The following SPATC1L variants were observed in gnomAD, a reference collection of about 807,000 sequenced individuals.
SPATC1L encodes speriolin-like protein.
A neutral mutation model predicts 21.2 loss-of-function variants in SPATC1L; 20 were observed. The ratio of observed to expected loss-of-function variants is 0.94; its 90% CI spans 0.66 to 1.37. The LOEUF (loss-of-function observed/expected upper bound fraction) is 1.37. SPATC1L is among the 40% of genes most tolerant of loss of function. The pLI, the probability that SPATC1L is intolerant of heterozygous loss-of-function variation, is 0.00. For missense variants in SPATC1L, 499 were observed against 478.7 expected (o/e 1.04, Z -0.40); for synonymous variants, 290 against 234.5 (o/e 1.24, Z -2.16).
intron 2 of SPATC1L, among the ~76,000 whole-genome samples, chr21:46,177,930 A>G (rs1026828069): frequency 2.0e-5 from 3 of 152,250 alleles, no homozygotes; most frequent in African/African-American, 7.2e-5. Flanking sequence ...AATATTATGC[A>G]GCCATAAAAA....
At chr21:46,168,017 TG>T (rs1410572472) in intron 3 of SPATC1L, among the ~76,000 whole-genome samples, 1 of 151,834 alleles carries the variant, frequency 6.6e-6, no homozygotes, top group Non-Finnish European at 1.5e-5. Flanking sequence ...AACCATGGAG[TG>T]GGAGACCGTA....
chr21:46,169,200 C>T (rs547095031), intron 2 of SPATC1L, among the ~76,000 whole-genome samples: 121 of 152,402 alleles, frequency 7.9e-4, no homozygotes, highest in Non-Finnish European at 1.6e-3. Context: ...TCCATGTTTC[C>T]GTGCAAACAC....
intron 2 of SPATC1L, among the ~76,000 whole-genome samples, chr21:46,176,188 C>T (rs887058796): frequency 6.6e-6 from 1 of 151,986 alleles, no homozygotes; most frequent in East Asian, 1.9e-4. Context: ...AAACTCACAA[C>T]CAACATCAAA....
chr21:46,171,682 A>C (rs187181055), intron 2 of SPATC1L, among the ~76,000 whole-genome samples: 15 of 152,314 alleles, frequency 9.8e-5, no homozygotes, highest in Non-Finnish European at 1.6e-4. Context: ...AATTACTTTC[A>C]AGTGACTCAA....
chr21:46,172,873 G>T (rs1766663015), intron 2 of SPATC1L, among the ~76,000 whole-genome samples: 1 of 152,226 alleles, frequency 6.6e-6, no homozygotes, highest in South Asian at 2.1e-4. Context: ...CTGAGCACTG[G>T]TGCTCATTTT....
intron 2 of SPATC1L, among the ~76,000 whole-genome samples, chr21:46,178,731 A>G (rs1221257941): frequency 6.6e-6 from 1 of 152,144 alleles, no homozygotes; most frequent in Admixed American, 6.5e-5. Context: ...TACTAAAAAT[A>G]CAAAAAGTAG....
intron 2 of SPATC1L, among the ~76,000 whole-genome samples, chr21:46,178,307 T>C (rs978852607): frequency 6.6e-6 from 1 of 150,466 alleles, no homozygotes; most frequent in African/African-American, 2.5e-5. Context: ...CTGGAGGCTA[T>C]TGTCCTCAGC....
intron 2 of SPATC1L, among the ~76,000 whole-genome samples, chr21:46,181,633 A>G (rs2079674619): frequency 6.6e-6 from 1 of 152,138 alleles, no homozygotes; most frequent in African/African-American, 2.4e-5. Context: ...CCCCCAGCAC[A>G]GGTGCTGGAG....
chr21:46,174,090 G>C (rs964885804), intron 2 of SPATC1L, among the ~76,000 whole-genome samples: 6 of 152,176 alleles, frequency 3.9e-5, no homozygotes, highest in African/African-American at 1.4e-4. Context: ...CACTTTGAGA[G>C]GCTGAAGCAG....
At chr21:46,182,337 C>T (rs898650041) in intron 2 of SPATC1L, among the ~76,000 whole-genome samples, 1 of 152,262 alleles carries the variant, frequency 6.6e-6, no homozygotes, top group Non-Finnish European at 1.5e-5. Context: ...AGCCTGCGCG[C>T]CACCTGCTCT....
In SPATC1L at chr21:46,161,528, G is replaced by T; in HGVS notation, c.874C>A (p.Arg292Ser). ...YGILKQRPDL[R>S]ANPLHSSPAA... ...GGGCTGCTGTGCAGGGGGTTGGCGC[G>T]CAGGTCGGGCCGCTGCTTCAGGATT... The change falls in exon 5 of 5, where the codon CGC becomes AGC. Residue 292 changes from arginine to serine, a missense_variant. Transcript: ENST00000291672. 2 of 1,610,128 alleles carry T rather than the reference G, an allele frequency of 1.2e-6. No homozygotes were observed. Among genetic ancestry groups the T allele is most frequent in the Non-Finnish European group, 1.7e-6 (2 of 1,178,750 alleles).
rs983471018 is a variant in SPATC1L at position 46,169,567 on chromosome 21, T to A, written c.194-909A>T. On this transcript the variant is annotated intron_variant, in intron 2 of 4. Coordinates refer to ENST00000291672, the MANE Select transcript of SPATC1L (RefSeq NM_001142854.2). ...GGAGGAGCCTCCTGCTCTGTGTACA[T>A]CCTCTGTGGATGGGGAGGAGCCCCC... Among the ~76,000 whole-genome samples the A allele has an allele frequency of 3.6e-5, 5 of 140,644 alleles. No homozygotes were observed. In the East Asian group the frequency reaches 1.0e-3, roughly 28 times the overall value. 92.3% of individuals were successfully genotyped at this position (140,644 alleles called of 152,430 possible). A position where few individuals can be genotyped will look rare whatever the true frequency, so the allele number is the denominator to read the frequency against.
intron 3 of SPATC1L, among the ~76,000 whole-genome samples, chr21:46,166,785 A>G (rs1471396622): frequency 6.6e-6 from 1 of 152,230 alleles, no homozygotes; most frequent in African/African-American, 2.4e-5. Flanking sequence ...TAAAGCAAAT[A>G]TTACTAGAGC....
At chr21:46,177,682 G>A (rs1403069260) in intron 2 of SPATC1L, among the ~76,000 whole-genome samples, 2 of 152,218 alleles carry the variant, frequency 1.3e-5, no homozygotes, top group African/African-American at 4.8e-5. Flanking sequence ...AGCCATTGTG[G>A]AAGACAGTGT....
At chr21:46,164,013 G>T (rs1057327168) in intron 3 of SPATC1L, among the ~76,000 whole-genome samples, 2 of 152,234 alleles carry the variant, frequency 1.3e-5, no homozygotes, top group Non-Finnish European at 1.5e-5. Context: ...TTGTTTGTTT[G>T]TTTGTTTTTT....
rs1230987779 is a variant in SPATC1L, at chr21:46,182,804, C to T, written c.13G>A (p.Gly5Ser). ...CTCAGGAGCCGGCTCATCAGCTCGC[C>T]GCCTTCAGCCATGGCGGGTGCGTCC... The part of the protein sequence containing the change: MAEG[G>S]ELMSRLLSEN... The change falls in exon 2 of 5, where the codon GGC (glycine) becomes AGC (serine). Residue 5 changes from glycine to serine, a missense_variant. Coordinates refer to ENST00000291672, the MANE Select transcript of SPATC1L (RefSeq NM_001142854.2). 16 of 1,540,340 alleles carry T rather than the reference C, an allele frequency of 1.0e-5. No homozygotes were observed. Among genetic ancestry groups the T allele is most frequent in the East Asian group, 9.8e-5 (4 of 40,636 alleles).
At chr21:46,171,588 C>T (rs963125200) in intron 2 of SPATC1L, among the ~76,000 whole-genome samples, 6 of 151,872 alleles carry the variant, frequency 4.0e-5, no homozygotes, top group Admixed American at 3.9e-4. Context: ...AGACCCCCCA[C>T]CCCAGACACT....
chr21:46,172,933 C>T (rs1403530711), intron 2 of SPATC1L, among the ~76,000 whole-genome samples: 1 of 152,216 alleles, frequency 6.6e-6, no homozygotes, highest in Non-Finnish European at 1.5e-5. Flanking sequence ...GGGCAAGGAG[C>T]AACCCACTGT....
At chr21:46,166,951 A>C (rs1481593642) in intron 3 of SPATC1L, among the ~76,000 whole-genome samples, 1 of 152,234 alleles carries the variant, frequency 6.6e-6, no homozygotes, top group Admixed American at 6.5e-5. Context: ...AGAACATTTC[A>C]TCCAACAGGT....
Sources: gnomAD v4.1 joint callset for allele counts (sites outside exome capture counted in the v4.1 genomes callset) on GRCh38, gnomAD v4.1.1 for gene constraint, MANE v1.5 for transcripts, NCBI Gene and HGNC (gene_info 2026-07-23, HGNC 2026-07-21) for gene names.